The following ABCA4 variants were observed in gnomAD, a reference collection of about 807,000 sequenced individuals.
ABCA4 encodes the protein retinal-specific phospholipid-transporting ATPase ABCA4.
Under a neutral mutation model 263.7 loss-of-function variants are expected in ABCA4, and 196 were observed. The observed-to-expected ratio is 0.74, with a 90% CI of 0.66 to 0.84. The LOEUF is 0.84. Ranked by LOEUF, ABCA4 falls within the 40% of genes least tolerant of loss-of-function variation. The probability of loss-of-function intolerance (pLI) is 0.00; values close to 1 mark genes in which losing one functional copy is unlikely to be tolerated. For missense variants in ABCA4, 2,792 were observed against 2,855.1 expected (o/e 0.98, Z 0.50); for synonymous variants, 1,133 against 1,094.2 (o/e 1.04, Z -0.70).
intron 22 of ABCA4, among the ~76,000 whole-genome samples, chr1:94,042,069 A>G (rs1470127032): frequency 7.1e-6 from 1 of 140,444 alleles, no homozygotes; most frequent in East Asian, 2.2e-4. Flanking sequence ...ACTGCACTCC[A>G]GCCTGCGCGA....
At chr1:94,023,893 G>C (rs1158315254) in intron 31 of ABCA4, among the ~76,000 whole-genome samples, 1 of 152,094 alleles carries the variant, frequency 6.6e-6, no homozygotes, top group Non-Finnish European at 1.5e-5. Flanking sequence ...TGACAAAATG[G>C]GAAATGAACA....
chr1:94,105,837 C>A (rs1235351705), intron 4 of ABCA4, among the ~76,000 whole-genome samples: 1 of 152,172 alleles, frequency 6.6e-6, no homozygotes, highest in Non-Finnish European at 1.5e-5. Flanking sequence ...AAACCTCTGC[C>A]TGGGTCAACC....
At chr1:94,119,760 AAC>A (rs2101187548) in intron 1 of ABCA4, among the ~76,000 whole-genome samples, 1 of 152,246 alleles carries the variant, frequency 6.6e-6, no homozygotes, top group South Asian at 2.1e-4. Context: ...GTACTTAGCT[AAC>A]ACCTTTTCAT....
chr1:93,993,253 A>C lies in ABCA4; in HGVS notation c.6817-11T>G. ...TGTGAAAGATCAGTCCTGTGGAAGG[A>C]GATCACATGGACTCGCGTCATCTTG... On this transcript the variant is annotated splice_polypyrimidine_tract_variant and intron_variant, in intron 49 of 49. Coordinates refer to ENST00000370225, the MANE Select transcript of ABCA4 (RefSeq NM_000350.3). 6.2e-7 allele frequency: 1 copy of C among 1,613,830 alleles called. No individual in the cohort carries two copies. The highest frequency in any genetic ancestry group is 1.1e-5 in the South Asian group (1 of 91,068).
At chr1:94,082,679 C>A (rs1661733138) in intron 7 of ABCA4, among the ~76,000 whole-genome samples, 1 of 152,178 alleles carries the variant, frequency 6.6e-6, no homozygotes. Flanking sequence ...CCTGTTTCAA[C>A]TTTTCCCTCC....
chr1:94,097,489 A>G (rs1662153748), intron 6 of ABCA4, among the ~76,000 whole-genome samples: 1 of 152,174 alleles, frequency 6.6e-6, no homozygotes, highest in East Asian at 1.9e-4. Context: ...TCCCTACAAC[A>G]CAGTTCTAGA....
At chr1:94,012,663 T>C (rs58088273) in intron 38 of ABCA4, among the ~76,000 whole-genome samples, 29,629 of 152,170 alleles carry the variant, frequency 0.19, 3,580 homozygotes, top group African/African-American at 0.34. Context: ...CCCCAGCCCC[T>C]GCAGCCTGGC....
chr1:94,079,339 G>A lies in ABCA4; in HGVS notation c.1222C>T (p.Arg408Ter), dbSNP rs61748550. Residue 408 changes from arginine to a stop codon, truncating the protein, a stop_gained, in exon 9 of 50, where the codon CGA (arginine) becomes TGA (stop). Transcript: ENST00000370225. LOFTEE classifies it high-confidence loss of function. ...ILYTPDSPAARRILKNANSTF... is the reference protein window; with the variant it reads ...ILYTPDSPAA ...GATCTTACATTCTTCAGTATCCTTC[G>A]TGCTGCAGGTGAATCAGGAGTGTAC... 27 of 1,613,972 alleles carry A rather than the reference G, an allele frequency of 1.7e-5. No individual in the cohort carries two copies. The highest frequency in any genetic ancestry group is 1.6e-4 in the Middle Eastern group (1 of 6,084).
rs754531924 is a variant in ABCA4 at position 94,021,870 on chromosome 1, A to T, written c.4749T>A (p.Leu1583=). 3 of 1,614,192 alleles carry T rather than the reference A, an allele frequency of 1.9e-6. No individual in the cohort carries two copies. Among genetic ancestry groups the T allele is most frequent in the Non-Finnish European group, 2.5e-6 (3 of 1,180,040 alleles). The part of the protein sequence containing the change: ...GEALVGFLSD[L]GRIMNVSGGP... ...CCCCGCTCACATTCATGATCCGGCC[A>T]AGGTCGCTTAAAAACCCAACAAGTG... Residue 1583 remains leucine (L), a synonymous_variant, in exon 33 of 50, where the codon CTT becomes CTA. Transcript: ENST00000370225.
At chr1:94,007,123 C>T (rs3789380) in intron 43 of ABCA4, among the ~76,000 whole-genome samples, 13,424 of 152,108 alleles carry the variant, frequency 0.088, 1,189 homozygotes, top group African/African-American at 0.23. Flanking sequence ...CCCCAAAGGC[C>T]CATGCATGAG....
At chr1:94,117,010 CTTTCTTTCTTTCTTTCCT>C (rs1271879875) in intron 1 of ABCA4, among the ~76,000 whole-genome samples, 3 of 111,186 alleles carry the variant, frequency 2.7e-5, no homozygotes, top group Non-Finnish European at 5.6e-5. Flanking sequence ...TTCTTTCTTT[CTTTCTTTCTTTCTTTCCT>C]TTTCTTTCTT....
intron 22 of ABCA4, 131 bp downstream of exon 22, chr1:94,042,630 T>G (rs1030519743): frequency 7.7e-7 from 1 of 1,296,024 alleles, no homozygotes; most frequent in African/African-American, 1.5e-5. Flanking sequence ...ACCAAGTCAC[T>G]GATAAACCCC....
chr1:94,063,048 C>G, intron 12 of ABCA4, 64 bp downstream of exon 12: 1 of 1,473,536 alleles, frequency 6.8e-7, no homozygotes, highest in Non-Finnish European at 9.5e-7. Context: ...ATCCCTTTCT[C>G]TCTACCAAAT....
At chr1:94,017,710 C>T (rs114065348) in intron 36 of ABCA4, among the ~76,000 whole-genome samples, 234 of 151,886 alleles carry the variant, frequency 1.5e-3, no homozygotes, top group African/African-American at 5.5e-3. Context: ...ATACATCGGA[C>T]GTGCTGAGGG....
chr1:94,110,867 C>T (rs1395645876), intron 3 of ABCA4, among the ~76,000 whole-genome samples: 2 of 151,582 alleles, frequency 1.3e-5, no homozygotes, highest in African/African-American at 4.9e-5. Context: ...TGAAGAGCCA[C>T]TGCACCCGAG....
intron 24 of ABCA4, among the ~76,000 whole-genome samples, chr1:94,038,899 C>G (rs1660414932): frequency 6.6e-6 from 1 of 152,056 alleles, no homozygotes; most frequent in South Asian, 2.1e-4. Context: ...TGGGGCATAA[C>G]TATTTAGTGC....
At position 94,010,819 on chromosome 1, in the gene ABCA4, G is replaced by C. The variant is rs1282177135; in HGVS notation, c.5695C>G (p.His1899Asp). The change falls in exon 40 of 50, where the codon CAC becomes GAC. Residue 1899 changes from histidine (H) to aspartate (D), a missense_variant. Transcript: ENST00000370225. Reference protein sequence around the residue: ...YFLLTLLVQRHFFLSQWIAEP... With the variant: ...YFLLTLLVQRDFFLSQWIAEP... ...ACGTACCATTGGGAGAGGAAGAAGT[G>C]GCGCTGGACCAGCAGGGTCAGGAGG... The C allele has an allele frequency of 8.1e-6, 13 of 1,614,150 alleles. No homozygotes were observed. The highest frequency in any genetic ancestry group is 1.1e-5 in the Non-Finnish European group (13 of 1,180,026).
intron 32 of ABCA4, among the ~76,000 whole-genome samples, chr1:94,022,484 C>T (rs1378840282): frequency 2.0e-5 from 3 of 152,180 alleles, no homozygotes; most frequent in South Asian, 4.1e-4. Context: ...CCCTACCTCT[C>T]GGGGCTTCTG....
rs2101135548 is a variant in ABCA4 at position 94,098,833 on chromosome 1, A to G, written c.729T>C (p.Thr243=). The change falls in exon 6 of 50, where the codon ACT becomes ACC. Residue 243 remains threonine (T), a synonymous_variant. Transcript: ENST00000370225. ...TGAAGAAGTCCACGTTGGCATACAG[A>G]GTGTCTTCTATCCACTGTAGGGTGC... is the stretch of plus-strand genomic sequence containing the variant. ...SQGTLQWIED[T]LYANVDFFKL... is the part of the protein sequence containing the mutation. The G allele has an allele frequency of 1.9e-6, 3 of 1,614,148 alleles. No individual in the cohort carries two copies. Among genetic ancestry groups the G allele is most frequent in the African/African-American group, 1.3e-5 (1 of 75,042 alleles).
Sources: gnomAD v4.1 joint callset for allele counts (sites outside exome capture counted in the v4.1 genomes callset) on GRCh38, gnomAD v4.1.1 for gene constraint, MANE v1.5 for transcripts, NCBI Gene and HGNC (gene_info 2026-07-23, HGNC 2026-07-21) for gene names.